Variants in B4GALNT3 observed in about 807,000 individuals in gnomAD.
The protein encoded by B4GALNT3 is beta-1,4-N-acetylgalactosaminyltransferase 3.
Under a neutral mutation model 120.2 loss-of-function variants are expected in B4GALNT3, and 86 were observed. That is an observed-to-expected ratio of 0.72 (90% CI 0.60 to 0.86). The LOEUF is 0.86. Among genes scored for constraint, B4GALNT3 ranks in the 40% least tolerant of loss-of-function variants. The pLI, the probability that B4GALNT3 is intolerant of heterozygous loss-of-function variation, is 0.00. For missense variants in B4GALNT3, 1,167 were observed against 1,298.9 expected, an observed-to-expected ratio of 0.90 and a Z score of 1.56; for synonymous variants, 518 against 510.4, an observed-to-expected ratio of 1.01 and a Z score of -0.20.
intron 1 of B4GALNT3, among the ~76,000 whole-genome samples, chr12:471,004 C>T (rs979064165): frequency 6.6e-6 from 1 of 152,032 alleles, no homozygotes; most frequent in East Asian, 2.0e-4. Flanking sequence ...GCTGGGATTA[C>T]AGGCGTGAGC....
chr12:552,757 G>A, intron 13 of B4GALNT3: 1 of 570,712 alleles, frequency 1.8e-6, no homozygotes, highest in Non-Finnish European at 3.1e-6. Context: ...GGGTCAGCTG[G>A]AGGAGAGTGA....
At chr12:492,297 G>C (rs921886185) in intron 1 of B4GALNT3, among the ~76,000 whole-genome samples, 1 of 152,194 alleles carries the variant, frequency 6.6e-6, no homozygotes, top group Non-Finnish European at 1.5e-5. Context: ...GGATACAGAT[G>C]TCAATTGCTT....
chr12:546,593 G>T (rs764133886), intron 6 of B4GALNT3, 53 bp from the exon 7 acceptor site: 1 of 1,496,154 alleles, frequency 6.7e-7, no homozygotes, highest in African/African-American at 1.4e-5. Flanking sequence ...ACCGCCTCGC[G>T]TGCTTCCTGT....
intron 19 of B4GALNT3, among the ~76,000 whole-genome samples, chr12:560,868 G>T (rs113072855): frequency 0.012 from 1,815 of 152,312 alleles, 9 homozygotes; most frequent in Non-Finnish European, 0.018. Context: ...TGCACAAAAG[G>T]CCTGGGGAGG....
rs188595109 is a variant in B4GALNT3 at position 554,436 on chromosome 12, C to T, written c.2060+453C>T. 2.3e-3 allele frequency among the ~76,000 whole-genome samples: 346 copies of T among 152,262 alleles called. 3 individuals carry two copies. Among genetic ancestry groups the T allele is most frequent in the African/African-American group, 7.9e-3 (327 of 41,554 alleles). On this transcript the variant is annotated intron_variant, in intron 14 of 19. Transcript: ENST00000266383. ...TCATTCAACCAGTCAACATTTTTTA[C>T]GATAAAATTTATATAACATTAAAAT...
chr12:514,196 TTG>T (rs1946626112), intron 1 of B4GALNT3, among the ~76,000 whole-genome samples: 1 of 128,260 alleles, frequency 7.8e-6, no homozygotes, highest in African/African-American at 3.1e-5. Flanking sequence ...TTGTCCGTTT[TTG>T]TTTTTTTTTT....
At chr12:551,200 G>A (rs1293151959) in intron 11 of B4GALNT3, among the ~76,000 whole-genome samples, 169 bp downstream of exon 11, 7 of 152,222 alleles carry the variant, frequency 4.6e-5, no homozygotes, top group African/African-American at 1.7e-4. Context: ...CTCCCAGATG[G>A]ACCGCCCTGA....
chr12:509,526 C>G (rs1555154618), intron 1 of B4GALNT3, among the ~76,000 whole-genome samples: 1 of 152,196 alleles, frequency 6.6e-6, no homozygotes, highest in Non-Finnish European at 1.5e-5. Context: ...CTCCCCAGTG[C>G]AGATTTCATT....
intron 1 of B4GALNT3, among the ~76,000 whole-genome samples, chr12:507,082 G>C (rs574788933): frequency 1.2e-4 from 18 of 152,176 alleles, no homozygotes; most frequent in Non-Finnish European, 2.5e-4. Flanking sequence ...CATTTGTCAT[G>C]ATTAATGAAC....
intron 1 of B4GALNT3, among the ~76,000 whole-genome samples, chr12:512,522 G>C (rs552193219): frequency 4.7e-4 from 32 of 67,652 alleles, no homozygotes; most frequent in Non-Finnish European, 6.7e-4. Flanking sequence ...TTCCACCTTC[G>C]ACCTTCTTCC....
chr12:508,971 C>T (rs144748738), intron 1 of B4GALNT3, among the ~76,000 whole-genome samples: 1 of 152,312 alleles, frequency 6.6e-6, no homozygotes, highest in African/African-American at 2.4e-5. Context: ...AGGCGCATAC[C>T]TTTAACAGCC....
rs542145851 is a variant in B4GALNT3, at chr12:482,883, A to T, written c.169+22338A>T. On this transcript the variant is annotated intron_variant, in intron 1 of 19. Transcript: ENST00000266383. ...TGAGACCCCATTTCAGAAGGAAAGA[A>T]AGTGTACACAGGTGTTATTCTTCTT... Among the ~76,000 whole-genome samples the T allele has an allele frequency of 3.3e-5, 5 of 152,240 alleles. No homozygotes were observed. The South Asian group carries it at 1.0e-3, about 32-fold the overall frequency.
Position 548,330 on chromosome 12 carries a change from A to C in B4GALNT3, c.853+33A>C, listed in dbSNP as rs1460170691. 1 of 1,601,778 alleles carries C rather than the reference A, an allele frequency of 6.2e-7. No homozygotes were observed. On this transcript the variant is annotated intron_variant, in intron 9 of 19. Transcript: ENST00000266383. This position sits in a 1 kb window ranked among gnomAD's most constrained non-coding sequence, Gnocchi z 4.9. Reference sequence around the variant, plus strand: ...GGCTCTGGCCCTGCCCTGGAGATGGAGGCCAGGTGGGGACAGCCTACCCTG... The same window carrying C: ...GGCTCTGGCCCTGCCCTGGAGATGGCGGCCAGGTGGGGACAGCCTACCCTG...
chr12:498,567 C>T (rs761707678), intron 1 of B4GALNT3, among the ~76,000 whole-genome samples: 11 of 152,124 alleles, frequency 7.2e-5, no homozygotes, highest in Middle Eastern at 3.4e-3. Flanking sequence ...GACAAGGATC[C>T]CTGTGTGTAT....
In B4GALNT3 at chr12:562,939, A is replaced by C. The variant is rs2120760662; in HGVS notation, c.*1488A>C. Reference sequence around the variant, plus strand: ...GTGACGGTCCAAACCACGGCACTGGAGCTGCAGGGTCTGCCTAGTGGGCTC... The same window carrying C: ...GTGACGGTCCAAACCACGGCACTGGCGCTGCAGGGTCTGCCTAGTGGGCTC... On this transcript the variant is annotated 3_prime_UTR_variant, in exon 20 of 20. Coordinates refer to ENST00000266383, the MANE Select transcript of B4GALNT3 (RefSeq NM_173593.4). This position sits in a 1 kb window ranked among gnomAD's most constrained non-coding sequence, Gnocchi z 5.2. 6.6e-6 allele frequency: 1 copy of C among 152,230 alleles called. No individual in the cohort carries two copies. Among genetic ancestry groups the C allele is most frequent in the East Asian group, 1.9e-4 (1 of 5,180 alleles). The allele number at this position is 152,230 out of a possible 1,614,324, so 9.4% of individuals were successfully genotyped here.
At chr12:529,602 TGCACGTG>T (rs1946788087) in intron 1 of B4GALNT3, among the ~76,000 whole-genome samples, 1 of 152,246 alleles carries the variant, frequency 6.6e-6, no homozygotes, top group Admixed American at 6.5e-5. Flanking sequence ...GTGATGTGTG[TGCACGTG>T]GCACATTATC....
intron 3 of B4GALNT3, among the ~76,000 whole-genome samples, chr12:541,694 C>T (rs73034132): frequency 0.023 from 3,575 of 152,252 alleles, 55 homozygotes; most frequent in Middle Eastern, 0.037. Flanking sequence ...GGTAGCTCCT[C>T]TTCCCACACT....
At chr12:557,932 A>G (rs1947177471) in intron 16 of B4GALNT3, 84 bp from the exon 17 acceptor site, 10 of 1,522,376 alleles carry the variant, frequency 6.6e-6, no homozygotes, top group East Asian at 2.3e-5. Flanking sequence ...AGCACACATC[A>G]TCTCTCTTCT....
At chr12:537,177 A>C (rs1352089235) in intron 3 of B4GALNT3, among the ~76,000 whole-genome samples, 1 of 152,244 alleles carries the variant, frequency 6.6e-6, no homozygotes, top group African/African-American at 2.4e-5. Flanking sequence ...ATGCACTGGG[A>C]AACTCTGCTT....
Sources: gnomAD v4.1 joint callset for allele counts (sites outside exome capture counted in the v4.1 genomes callset) on GRCh38, gnomAD v4.1.1 for gene constraint, Gnocchi (gnomAD v3.1) non-coding constraint, MANE v1.5 for transcripts, NCBI Gene and HGNC (gene_info 2026-07-23, HGNC 2026-07-21) for gene names.